The following GAB1 variants were observed in gnomAD, a reference collection of about 807,000 sequenced individuals.
The protein encoded by GAB1 is GRB2-associated-binding protein 1.
In GAB1, 19 loss-of-function variants were observed where a neutral mutation model predicts 66.5. The ratio of observed to expected loss-of-function variants is 0.29; its 90% CI spans 0.20 to 0.42. GAB1 has a LOEUF of 0.42. Ranked by LOEUF, GAB1 falls within the 10% of genes least tolerant of loss-of-function variation. The pLI is 1.00. For synonymous variants in GAB1, 294 were observed against 301.4 expected (o/e 0.98, Z 0.25); for missense variants, 732 against 858.5 (o/e 0.85, Z 1.84).
In GAB1 at chr4:143,337,155, A is replaced by G; in HGVS notation, c.-34A>G. On this transcript the variant is annotated 5_prime_UTR_variant, in exon 1 of 10. Transcript: ENST00000262994. The stretch of plus-strand genomic sequence containing the variant: ...GTCGGGAGCGCGCCCGCCGCCCCTC[A>G]GCTGCCCGGCCCGGAGCCCGAGACG... The G allele has an allele frequency of 1.3e-6, 2 of 1,551,982 alleles. No homozygotes were observed. The highest frequency in any genetic ancestry group is 1.7e-6 in the Non-Finnish European group (2 of 1,146,586).
chr4:143,393,230 T>TTA (rs1491293552), intron 1 of GAB1, among the ~76,000 whole-genome samples: 235 of 133,672 alleles, frequency 1.8e-3, no homozygotes, highest in African/African-American at 6.1e-3. Flanking sequence ...TTTTTTTTTT[T>TTA]AAAAAAAAAA....
intron 6 of GAB1, among the ~76,000 whole-genome samples, chr4:143,453,918 G>T (rs907262504): frequency 6.6e-6 from 1 of 152,136 alleles, no homozygotes; most frequent in Non-Finnish European, 1.5e-5. Flanking sequence ...GTTTTAGAGT[G>T]TCTAGTACCT....
intron 1 of GAB1, among the ~76,000 whole-genome samples, chr4:143,369,432 A>G (rs910245301): frequency 6.6e-6 from 1 of 152,232 alleles, no homozygotes; most frequent in Admixed American, 6.5e-5. Flanking sequence ...CACTCTGGCT[A>G]CAGTGAGAAA....
intron 1 of GAB1, among the ~76,000 whole-genome samples, chr4:143,390,164 G>C (rs1191080256): frequency 3.9e-5 from 6 of 152,146 alleles, no homozygotes; most frequent in Non-Finnish European, 7.4e-5. Flanking sequence ...TAGAAGTAGA[G>C]TAAAAAGTTT....
chr4:143,392,664 TA>T (rs948163383), intron 1 of GAB1, among the ~76,000 whole-genome samples: 1 of 152,192 alleles, frequency 6.6e-6, no homozygotes. Context: ...TAATAGTTAA[TA>T]ACCTACTCTT....
intron 1 of GAB1, among the ~76,000 whole-genome samples, chr4:143,363,047 G>T (rs898805647): frequency 6.6e-6 from 1 of 152,224 alleles, no homozygotes; most frequent in East Asian, 1.9e-4. Flanking sequence ...TAAAGGAACT[G>T]ATGCTCAGAG....
chr4:143,466,136 A>C lies in GAB1; in HGVS notation c.1837A>C (p.Ser613Arg). ...LFGSNSLDGG[S>R]SPMIKPKGDK... ...TGGCAGTAACAGTCTTGATGGAGGA[A>C]GCAGCCCTATGATCAAGCCCAAAGG... The change falls in exon 9 of 10, where the codon AGC (serine) becomes CGC (arginine). Residue 613 changes from serine to arginine, a missense_variant. By Grantham distance (110) the Ser-to-Arg change is moderately radical. This residue lies in a region of GAB1 where 204 missense variants were observed against 276.8 expected (regional missense o/e 0.74). Coordinates refer to ENST00000262994, the MANE Select transcript of GAB1 (RefSeq NM_002039.4). The C allele has an allele frequency of 1.2e-6, 2 of 1,613,858 alleles. No individual in the cohort carries two copies. Among genetic ancestry groups the C allele is most frequent in the South Asian group, 1.1e-5 (1 of 91,070 alleles).
chr4:143,400,962 C>T (rs34439737), intron 1 of GAB1, among the ~76,000 whole-genome samples: 1 of 147,776 alleles, frequency 6.8e-6, no homozygotes, highest in African/African-American at 2.5e-5. Context: ...GAGCAAGACT[C>T]CATCACAAAA....
At position 143,438,556 on chromosome 4, in the gene GAB1, G is replaced by A. The variant is rs55997904; in HGVS notation, c.1151G>A (p.Arg384His). 8.7e-6 allele frequency: 14 copies of A among 1,613,994 alleles called. No homozygotes were observed. In the East Asian group the frequency reaches 8.9e-5, roughly 10 times the overall value. Residue 384 changes from arginine (R) to histidine (H), a missense_variant, in exon 4 of 10, where the codon CGT becomes CAT. Physicochemically the swap from Arg to His is conservative, Grantham distance 29 (BLOSUM62 0). Coordinates refer to ENST00000262994, the MANE Select transcript of GAB1 (RefSeq NM_002039.4). The part of the protein sequence containing the change: ...CIPTAGMSPS[R>H]SNTISTVDLN... The stretch of plus-strand genomic sequence containing the variant: ...CCTACAGCAGGGATGTCGCCTTCAC[G>A]TAGTAATACCATTTCCACTGTGGAT...
intron 1 of GAB1, among the ~76,000 whole-genome samples, chr4:143,403,898 G>A (rs1458732639): frequency 1.3e-5 from 2 of 152,164 alleles, no homozygotes; most frequent in Non-Finnish European, 2.9e-5. Context: ...TTTAGACTGA[G>A]ATTTATGTTA....
chr4:143,352,817 T>A (rs1430797890), intron 1 of GAB1, among the ~76,000 whole-genome samples: 1 of 152,206 alleles, frequency 6.6e-6, no homozygotes, highest in Non-Finnish European at 1.5e-5. Context: ...AGAGAGTAAC[T>A]TTAACCTCTC....
At chr4:143,417,338 G>C (rs985314069) in intron 2 of GAB1, 9 of 353,150 alleles carry the variant, frequency 2.5e-5, no homozygotes, top group African/African-American at 2.0e-4. Flanking sequence ...ATCCTGGAAA[G>C]AGCTGAGTGA....
In GAB1 at chr4:143,469,462, T is replaced by G. The variant is rs1735976291; in HGVS notation, c.*273T>G. The G allele has an allele frequency of 3.2e-6, 1 of 310,684 alleles. No homozygotes were observed. Among genetic ancestry groups the G allele is most frequent in the Non-Finnish European group, 6.2e-6 (1 of 162,384 alleles). The allele number at this position is 310,684 out of a possible 1,614,324, so 19.2% of individuals were successfully genotyped here. ...AGTTAACACACTCGTAGTATTACTGTATTTATGCACTTTTTCATCTAAAAC... is the reference window on the plus strand; with the variant it reads ...AGTTAACACACTCGTAGTATTACTGGATTTATGCACTTTTTCATCTAAAAC... On this transcript the variant is annotated 3_prime_UTR_variant, in exon 10 of 10. Coordinates refer to ENST00000262994, the MANE Select transcript of GAB1 (RefSeq NM_002039.4).
chr4:143,362,338 GCT>G (rs1025385889), intron 1 of GAB1, among the ~76,000 whole-genome samples: 7 of 152,178 alleles, frequency 4.6e-5, no homozygotes, highest in Non-Finnish European at 1.0e-4. Context: ...CAAGAGACGG[GCT>G]CTTAGATCTC....
At chr4:143,366,901 C>T (rs2149661924) in intron 1 of GAB1, among the ~76,000 whole-genome samples, 1 of 152,104 alleles carries the variant, frequency 6.6e-6, no homozygotes, top group South Asian at 2.1e-4. Flanking sequence ...TGTCTCTGTC[C>T]ACGTCTCATG....
At chr4:143,399,881 A>G (rs1029926089) in intron 1 of GAB1, among the ~76,000 whole-genome samples, 1 of 151,054 alleles carries the variant, frequency 6.6e-6, no homozygotes, top group Non-Finnish European at 1.5e-5. Flanking sequence ...GATGATCCCT[A>G]TAGGGTTTAT....
intron 3 of GAB1, among the ~76,000 whole-genome samples, chr4:143,437,542 T>C (rs1733999625): frequency 6.6e-6 from 1 of 152,224 alleles, no homozygotes; most frequent in South Asian, 2.1e-4. Context: ...AGACTTTTAA[T>C]TTTACGGAAC....
chr4:143,436,175 C>T (rs1733931591), intron 3 of GAB1, among the ~76,000 whole-genome samples: 1 of 152,136 alleles, frequency 6.6e-6, no homozygotes, highest in Non-Finnish European at 1.5e-5. Flanking sequence ...GGAATGTGAA[C>T]TACACCTAGT....
chr4:143,443,921 C>T lies in GAB1; in HGVS notation c.1585+3539C>T, dbSNP rs368057708. 3.5e-4 allele frequency among the ~76,000 whole-genome samples: 54 copies of T among 152,240 alleles called. 1 individual carries two copies. The East Asian group carries it at 9.6e-3, about 27-fold the overall frequency. ...CACTTAAACATAATTATCTTAGACC[C>T]TTTGCCTGTCACTCAATTCATGATA... On this transcript the variant is annotated intron_variant, in intron 6 of 9. Transcript: ENST00000262994.
Sources: gnomAD v4.1 joint callset for allele counts (sites outside exome capture counted in the v4.1 genomes callset) on GRCh38, gnomAD v4.1.1 for gene constraint, gnomAD v4.1.1 regional missense constraint, MANE v1.5 for transcripts, NCBI Gene and HGNC (gene_info 2026-07-23, HGNC 2026-07-21) for gene names.